Variants in FBXL3 observed in about 807,000 individuals in gnomAD.
The protein encoded by FBXL3 is F-box/LRR-repeat protein 3.
Under a neutral mutation model 37.9 loss-of-function variants are expected in FBXL3, and 14 were observed. The observed-to-expected ratio is 0.37, with a 90% CI of 0.24 to 0.58. FBXL3 has a LOEUF of 0.58. FBXL3 is among the 20% of genes least tolerant of loss of function. FBXL3 has a pLI of 0.74. For synonymous variants in FBXL3, 194 were observed against 180.1 expected, an observed-to-expected ratio of 1.08 and a Z score of -0.62; for missense variants, 327 against 511.1, an observed-to-expected ratio of 0.64 and a Z score of 3.47.
intron 1 of FBXL3, among the ~76,000 whole-genome samples, chr13:77,023,345 A>AGAGAGAGAGTGT (rs199568005): frequency 1.4e-5 from 2 of 147,598 alleles, no homozygotes; most frequent in Middle Eastern, 6.9e-3. Context: ...AGAGAGAGAG[A>AGAGAGAGAGTGT]GTGTGTGTGT....
chr13:77,007,939 G>A (rs1396671119), intron 4 of FBXL3, 151 bp from the exon 5 acceptor site: 2 of 576,738 alleles, frequency 3.5e-6, no homozygotes, highest in Non-Finnish European at 5.8e-6. Context: ...TAGAAGGGAA[G>A]TAACAAACAT....
At position 77,021,869 on chromosome 13, in the gene FBXL3, G is replaced by T; in HGVS notation, c.-1-8C>A. 6.4e-7 allele frequency: 1 copy of T among 1,570,666 alleles called. No individual in the cohort carries two copies. The highest frequency in any genetic ancestry group is 8.6e-7 in the Non-Finnish European group (1 of 1,160,564). ...CTTCCTCCTCGTTTCATCCTATTCC[G>T]AAAAATGCATCAGTTTTTTTCCTAC... is the stretch of plus-strand genomic sequence containing the variant. On this transcript the variant is annotated splice_region_variant and splice_polypyrimidine_tract_variant and intron_variant, in intron 1 of 4. Transcript: ENST00000355619.
chr13:77,026,328 T>C, intron 1 of FBXL3: 1 of 985,374 alleles, frequency 1.0e-6, no homozygotes, highest in South Asian at 4.7e-5. Context: ...CGTCCCCTCC[T>C]CCCTGCGCCA....
intron 4 of FBXL3, 108 bp from the exon 5 acceptor site, chr13:77,007,896 A>G (rs2034481309): frequency 3.7e-6 from 3 of 807,330 alleles, no homozygotes; most frequent in Non-Finnish European, 5.7e-6. Context: ...CCTTACCACA[A>G]AACTATATAA....
intron 1 of FBXL3, among the ~76,000 whole-genome samples, chr13:77,022,239 TAA>T (rs1175374620): frequency 6.6e-6 from 1 of 152,236 alleles, no homozygotes; most frequent in African/African-American, 2.4e-5. Context: ...AAAGGTTTCT[TAA>T]AAGTCATCTA....
intron 4 of FBXL3, among the ~76,000 whole-genome samples, chr13:77,011,729 A>G (rs1784455906): frequency 6.6e-6 from 1 of 151,930 alleles, no homozygotes; most frequent in South Asian, 2.1e-4. Context: ...TCTCAAAAAA[A>G]AAAAAAAAAA....
In FBXL3 at chr13:77,015,504, G is replaced by T. The variant is rs765146279; in HGVS notation, c.548C>A (p.Pro183Gln). 1 of 1,607,496 alleles carries T rather than the reference G, an allele frequency of 6.2e-7. No homozygotes were observed. The highest frequency in any genetic ancestry group is 8.5e-7 in the Non-Finnish European group (1 of 1,176,638). Residue 183 changes from proline (P) to glutamine (Q), a missense_variant, in exon 4 of 5, where the codon CCA (proline) becomes CAA (glutamine). By Grantham distance (76) the Pro-to-Gln change is moderately conservative (BLOSUM62 -1). Transcript: ENST00000355619. ...SLSSLKIDDTPVDDPSLKVLV... is the reference protein window; with the variant it reads ...SLSSLKIDDTQVDDPSLKVLV... The stretch of plus-strand genomic sequence containing the variant: ...TACTTTGAGAGATGGATCATCTACT[G>T]GAGTATCATCTATCTTAAGCGAAGA...
chr13:77,015,196 A>G (rs1753487883), intron 4 of FBXL3: 3 of 351,938 alleles, frequency 8.5e-6, no homozygotes, highest in Admixed American at 4.7e-5. Context: ...CTATTCATAA[A>G]TTTATCAAAT....
intron 4 of FBXL3, among the ~76,000 whole-genome samples, chr13:77,012,287 G>C (rs2034568367): frequency 6.8e-6 from 1 of 147,434 alleles, no homozygotes; most frequent in South Asian, 2.2e-4. Flanking sequence ...ATTAGTGGTG[G>C]TACTATAAAT....
At chr13:77,012,410 G>T (rs942969548) in intron 4 of FBXL3, among the ~76,000 whole-genome samples, 6 of 151,952 alleles carry the variant, frequency 3.9e-5, no homozygotes, top group African/African-American at 1.5e-4. Flanking sequence ...CAAGCAAACT[G>T]CTATAAGCCA....
intron 2 of FBXL3, among the ~76,000 whole-genome samples, chr13:77,019,432 A>G (rs1480548644): frequency 1.3e-5 from 2 of 152,362 alleles, no homozygotes; most frequent in South Asian, 2.1e-4. Context: ...AGTTAAAAGG[A>G]TATTATTAAT....
At chr13:77,009,200 G>A (rs2034502445) in intron 4 of FBXL3, 1 of 152,240 alleles carries the variant, frequency 6.6e-6, no homozygotes, top group Admixed American at 6.5e-5. Flanking sequence ...CTTTATAACA[G>A]TGGGAAAAGA....
In FBXL3 at chr13:77,021,902, T is replaced by C. The variant is rs558085532; in HGVS notation, c.-1-41A>G. The C allele has an allele frequency of 4.5e-5, 66 of 1,482,916 alleles. 3 individuals are homozygous for C. In the South Asian group the frequency reaches 8.0e-4, roughly 18 times the overall value. The allele number at this position is 1,482,916 out of a possible 1,614,324, so 91.9% of individuals were successfully genotyped here. A position where few individuals can be genotyped will look rare whatever the true frequency, so the allele number is the denominator to read the frequency against. On this transcript the variant is annotated intron_variant, in intron 1 of 4. Transcript: ENST00000355619. ...CATCAGTTTTTTTCCTACTCAACTT[T>C]TGAATAGAAATAAACTCAAAATTCA... is the stretch of plus-strand genomic sequence containing the variant.
intron 1 of FBXL3, chr13:77,026,619 C>A (rs1172584472): frequency 6.6e-6 from 1 of 152,276 alleles, no homozygotes; most frequent in Non-Finnish European, 1.5e-5. Flanking sequence ...TGGAAGCAGG[C>A]ACGGCGGGGA....
At chr13:77,015,317 A>T in intron 4 of FBXL3, 92 bp downstream of exon 4, 4 of 878,720 alleles carry the variant, frequency 4.6e-6, no homozygotes, top group Non-Finnish European at 6.6e-6. Context: ...AGTCATATTA[A>T]TCCACCTTCA....
chr13:77,015,306 C>G (rs544529697), intron 4 of FBXL3, 103 bp downstream of exon 4: 16 of 727,050 alleles, frequency 2.2e-5, no homozygotes, highest in South Asian at 1.5e-4. Context: ...AGAGATGAAG[C>G]AGTCATATTA....
chr13:77,007,028 C>A lies in FBXL3; in HGVS notation c.*117G>T. 6.9e-7 allele frequency: 1 copy of A among 1,449,842 alleles called. No homozygotes were observed. The highest frequency in any genetic ancestry group is 9.0e-7 in the Non-Finnish European group (1 of 1,108,358). 89.8% of individuals were successfully genotyped at this position (1,449,842 alleles called of 1,614,324 possible). A position where few individuals can be genotyped will look rare whatever the true frequency, so the allele number is the denominator to read the frequency against. On this transcript the variant is annotated 3_prime_UTR_variant, in exon 5 of 5. Transcript: ENST00000355619. ...GATAAACAATCTTTACATATACTGA[C>A]TGAAGATATCAAATTTCTGTGCCAC...
chr13:77,013,874 A>AT (rs1395502698), intron 4 of FBXL3: 12 of 152,214 alleles, frequency 7.9e-5, no homozygotes, highest in Middle Eastern at 3.2e-3. Flanking sequence ...AGCTTATACT[A>AT]TACTATCAGA....
Position 77,015,813 on chromosome 13 carries a change from C to T in FBXL3, c.472-233G>A, listed in dbSNP as rs193107646. 1.1e-3 allele frequency: 294 copies of T among 269,496 alleles called. 2 individuals carry two copies. The Admixed American group carries it at 0.014, about 13-fold the overall frequency. The allele number at this position is 269,496 out of a possible 1,614,324, so 16.7% of individuals were successfully genotyped here. A position where few individuals can be genotyped will look rare whatever the true frequency, so the allele number is the denominator to read the frequency against. ...TGGGGGAAAAAAGCATTTCAAGCCT[C>T]AGGATAAGTGTCTCTAAATCAGAGA... On this transcript the variant is annotated intron_variant, in intron 3 of 4. Coordinates refer to ENST00000355619, the MANE Select transcript of FBXL3 (RefSeq NM_012158.4).
Sources: allele counts gnomAD v4.1 joint callset (sites outside exome capture counted in the v4.1 genomes callset), GRCh38; gene constraint gnomAD v4.1.1; transcripts MANE v1.5; gene names NCBI Gene and HGNC (gene_info 2026-07-23, HGNC 2026-07-21).